The following L3MBTL4 variants were observed in gnomAD, a reference collection of about 807,000 sequenced individuals.
L3MBTL4 encodes the protein L3MBTL histone methyl-lysine binding protein 4.
A neutral mutation model predicts 84.5 loss-of-function variants in L3MBTL4; 70 were observed. The ratio of observed to expected loss-of-function variants is 0.83; its 90% confidence interval spans 0.68 to 1.01. L3MBTL4 has a LOEUF of 1.01. Ranked by LOEUF, L3MBTL4 falls within the 50% of genes least tolerant of loss-of-function variation. The pLI is 0.00. For missense variants in L3MBTL4, 715 were observed against 754.8 expected (o/e 0.95, Z 0.62); for synonymous variants, 274 against 259.8 (o/e 1.05, Z -0.52).
At chr18:6,348,833 T>C (rs1333891433) in intron 1 of L3MBTL4, among the ~76,000 whole-genome samples, 1 of 152,116 alleles carries the variant, frequency 6.6e-6, no homozygotes, top group Non-Finnish European at 1.5e-5. Context: ...CCAGAAAATA[T>C]CAAGAAATCC....
chr18:6,219,461 C>T (rs887419620), intron 10 of L3MBTL4, among the ~76,000 whole-genome samples: 1 of 144,012 alleles, frequency 6.9e-6, no homozygotes, highest in Non-Finnish European at 1.5e-5. Flanking sequence ...TTTGGTTCAG[C>T]CACCCATGCC....
chr18:6,359,521 T>C (rs886551833), intron 1 of L3MBTL4, among the ~76,000 whole-genome samples: 3 of 152,080 alleles, frequency 2.0e-5, no homozygotes, highest in African/African-American at 7.2e-5. Context: ...ATAAGTTTTC[T>C]CTAAACACTT....
intron 15 of L3MBTL4, among the ~76,000 whole-genome samples, chr18:6,085,530 A>T (rs1460951278): frequency 1.3e-5 from 2 of 152,222 alleles, no homozygotes; most frequent in South Asian, 2.1e-4. Context: ...AGGTAACTAA[A>T]TCATGGGGGC....
intron 17 of L3MBTL4, among the ~76,000 whole-genome samples, chr18:5,964,711 G>T (rs769408685): frequency 6.6e-6 from 1 of 152,166 alleles, no homozygotes; most frequent in Non-Finnish European, 1.5e-5. Context: ...TTTAATAAGA[G>T]AAATAAAAGT....
In L3MBTL4 at chr18:5,954,989, T is replaced by C. The variant is rs895146628; in HGVS notation, c.*1231A>G. 3.9e-5 allele frequency: 6 copies of C among 152,328 alleles called. No individual in the cohort carries two copies. Among genetic ancestry groups the C allele is most frequent in the South Asian group, 4.1e-4 (2 of 4,820 alleles). 9.4% of individuals were successfully genotyped at this position (152,328 alleles called of 1,614,324 possible). A position where few individuals can be genotyped will look rare whatever the true frequency, so the allele number is the denominator to read the frequency against. ...ATTCTCCAAGCAGAATCAACTTTCT[T>C]AAACCTTAACATTCTTAATGAAGCA... On this transcript the variant is annotated 3_prime_UTR_variant, in exon 19 of 19. Coordinates refer to ENST00000317931, the MANE Select transcript of L3MBTL4 (RefSeq NM_001330559.2).
At chr18:6,070,722 C>T (rs531705689) in intron 16 of L3MBTL4, among the ~76,000 whole-genome samples, 1 of 152,052 alleles carries the variant, frequency 6.6e-6, no homozygotes, top group Non-Finnish European at 1.5e-5. Flanking sequence ...CCTGTAGGCC[C>T]AGCTACTCCA....
At chr18:6,356,706 G>A (rs2053462104) in intron 1 of L3MBTL4, 1 of 152,210 alleles carries the variant, frequency 6.6e-6, no homozygotes, top group Non-Finnish European at 1.5e-5. Context: ...TTGCAGTACT[G>A]GGAGTTGCTC....
At chr18:6,222,503 C>A (rs568341804) in intron 10 of L3MBTL4, among the ~76,000 whole-genome samples, 5 of 152,194 alleles carry the variant, frequency 3.3e-5, no homozygotes, top group Admixed American at 2.6e-4. Context: ...ATGGCTCATG[C>A]GGGATCTAAT....
chr18:6,215,876 G>T, intron 10 of L3MBTL4, 41 bp from the exon 11 acceptor site: 2 of 1,115,410 alleles, frequency 1.8e-6, no homozygotes, highest in African/African-American at 1.6e-5. Flanking sequence ...ATTACTCATA[G>T]ATATTCTGAT....
chr18:6,083,952 C>A (rs1278632161), intron 15 of L3MBTL4, among the ~76,000 whole-genome samples: 1 of 152,164 alleles, frequency 6.6e-6, no homozygotes, highest in African/African-American at 2.4e-5. Flanking sequence ...CTCTGACCCT[C>A]TTTCTAGGCT....
chr18:6,402,083 A>G (rs574623222), intron 1 of L3MBTL4, among the ~76,000 whole-genome samples: 1 of 152,260 alleles, frequency 6.6e-6, no homozygotes, highest in Non-Finnish European at 1.5e-5. Flanking sequence ...AATGATCAAT[A>G]TCTGCATCAG....
chr18:6,140,960 C>T (rs529239243), intron 13 of L3MBTL4, among the ~76,000 whole-genome samples: 1 of 151,766 alleles, frequency 6.6e-6, no homozygotes, highest in South Asian at 2.1e-4. Context: ...TTCATGAAAT[C>T]TAATTACACT....
intron 12 of L3MBTL4, among the ~76,000 whole-genome samples, chr18:6,185,244 C>T (rs2044667779): frequency 6.6e-6 from 1 of 152,202 alleles, no homozygotes; most frequent in African/African-American, 2.4e-5. Context: ...GGGCCATACA[C>T]ATGCTGACAC....
At chr18:6,313,827 G>GA (rs928156742) in intron 1 of L3MBTL4, among the ~76,000 whole-genome samples, 42 of 149,028 alleles carry the variant, frequency 2.8e-4, no homozygotes, top group Non-Finnish European at 4.6e-4. Flanking sequence ...TTTATATCAG[G>GA]AAAAAAAAAT....
chr18:6,193,166 C>G (rs1466199724), intron 12 of L3MBTL4, among the ~76,000 whole-genome samples: 1 of 151,804 alleles, frequency 6.6e-6, no homozygotes. Flanking sequence ...CAAGGACATC[C>G]AAGAGAGAAG....
chr18:6,111,826 CATACTT>C (rs2059204930), intron 14 of L3MBTL4, among the ~76,000 whole-genome samples: 1 of 152,104 alleles, frequency 6.6e-6, no homozygotes, highest in African/African-American at 2.4e-5. Flanking sequence ...TATTACCTCT[CATACTT>C]ATTTTTTATG....
At chr18:6,255,889 A>G (rs1853929299) in intron 5 of L3MBTL4, among the ~76,000 whole-genome samples, 1 of 152,204 alleles carries the variant, frequency 6.6e-6, no homozygotes, top group African/African-American at 2.4e-5. Flanking sequence ...TGCATAAAGT[A>G]TTTCACTGCA....
At chr18:6,397,190 G>T (rs950983351) in intron 1 of L3MBTL4, 49 of 152,308 alleles carry the variant, frequency 3.2e-4, no homozygotes, top group African/African-American at 1.1e-3. Context: ...TCTTGAGCAT[G>T]CAAAGCACGA....
At chr18:6,344,568 C>T (rs1484243989) in intron 1 of L3MBTL4, among the ~76,000 whole-genome samples, 1 of 152,160 alleles carries the variant, frequency 6.6e-6, no homozygotes, top group Non-Finnish European at 1.5e-5. Context: ...ATAGCAAAGA[C>T]AGACAAGGTC....
Sources: gnomAD v4.1 joint callset for allele counts (sites outside exome capture counted in the v4.1 genomes callset) on GRCh38, gnomAD v4.1.1 for gene constraint, MANE v1.5 for transcripts, NCBI Gene and HGNC (gene_info 2026-07-23, HGNC 2026-07-21) for gene names.